CADM2: variants seen among roughly 807,000 people sequenced by gnomAD.
CADM2 encodes cell adhesion molecule 2, also known as immunoglobulin superfamily member 4D.
Under a neutral mutation model 49.8 loss-of-function variants are expected in CADM2, and 12 were observed. That is an observed-to-expected ratio of 0.24 (90% confidence interval 0.15 to 0.39). CADM2 has a LOEUF of 0.39. CADM2 is among the 10% of genes least tolerant of loss of function. The probability of loss-of-function intolerance (pLI) is 1.00; values close to 1 mark genes in which losing one functional copy is unlikely to be tolerated. For synonymous variants in CADM2, 214 were observed against 175.4 expected (o/e 1.22, Z -1.74); for missense variants, 378 against 492.3 (o/e 0.77, Z 2.20).
intron 1 of CADM2, among the ~76,000 whole-genome samples, chr3:85,206,727 A>G (rs1327435696): frequency 6.6e-6 from 1 of 152,062 alleles, no homozygotes; most frequent in Non-Finnish European, 1.5e-5. Context: ...TAAGTTTTCA[A>G]TTTTATTTGA....
At chr3:85,088,791 TTTTA>T (rs1288430516) in intron 1 of CADM2, among the ~76,000 whole-genome samples, 45 of 152,284 alleles carry the variant, frequency 3.0e-4, no homozygotes, top group Admixed American at 7.9e-4. Context: ...TTTACACTAC[TTTTA>T]TTTGTCTATT....
rs2032750130 is a variant in CADM2, at chr3:84,989,119, CTTATATGAAA to C, written c.61+29452_61+29461del. Among the ~76,000 whole-genome samples, 3 of 152,058 alleles carry C rather than the reference CTTATATGAAA, an allele frequency of 2.0e-5. No individual in the cohort carries two copies. The South Asian group carries it at 6.2e-4, about 31-fold the overall frequency. The stretch of plus-strand genomic sequence containing the variant: ...AATTACCTGTTTTGCTGAGAGTTTG[CTTATATGAAA>C]AAGAAGTGGGTGATTGCACCACATC... On this transcript the variant is annotated intron_variant, in intron 1 of 9. Transcript: ENST00000383699.
chr3:85,629,933 A>C (rs1352938215), intron 1 of CADM2, among the ~76,000 whole-genome samples: 1 of 152,050 alleles, frequency 6.6e-6, no homozygotes, highest in Admixed American at 6.6e-5. Flanking sequence ...AGAAATTTAA[A>C]TGAGTTAATT....
intron 4 of CADM2, 24 bp downstream of exon 4, chr3:85,883,467 T>C (rs745384960): frequency 7.6e-6 from 12 of 1,574,998 alleles, no homozygotes; most frequent in Non-Finnish European, 9.5e-6. Context: ...ACTAACACCA[T>C]GTAATCACAA....
At chr3:85,278,831 A>G (rs1224581512) in intron 1 of CADM2, among the ~76,000 whole-genome samples, 1 of 151,248 alleles carries the variant, frequency 6.6e-6, no homozygotes, top group Non-Finnish European at 1.5e-5. Flanking sequence ...AATATAAAAG[A>G]TATACATTTT....
chr3:85,414,513 T>C (rs935857212), intron 1 of CADM2, among the ~76,000 whole-genome samples: 5 of 152,140 alleles, frequency 3.3e-5, no homozygotes, highest in African/African-American at 1.2e-4. Context: ...AGGTTTCCTT[T>C]CCTCTCTCTC....
intron 1 of CADM2, among the ~76,000 whole-genome samples, chr3:85,690,740 T>C (rs1192602158): frequency 6.6e-6 from 1 of 152,208 alleles, no homozygotes; most frequent in Non-Finnish European, 1.5e-5. Context: ...ATATTCTCTT[T>C]TTTAGAAAAG....
At chr3:85,633,738 A>C (rs9824301) in intron 1 of CADM2, among the ~76,000 whole-genome samples, 55,539 of 151,866 alleles carry the variant, frequency 0.37, 10,644 homozygotes, top group East Asian at 0.64. Context: ...AGGAGAATAA[A>C]TTTCCATAAA....
chr3:85,685,173 C>T (rs2107666689), intron 1 of CADM2, among the ~76,000 whole-genome samples: 1 of 152,220 alleles, frequency 6.6e-6, no homozygotes, highest in Non-Finnish European at 1.5e-5. Context: ...CCCAGAACTA[C>T]TGAAACAGAA....
intron 1 of CADM2, among the ~76,000 whole-genome samples, chr3:85,460,416 T>C (rs2038191026): frequency 6.6e-6 from 1 of 152,168 alleles, no homozygotes; most frequent in East Asian, 1.9e-4. Context: ...CACTTATTGA[T>C]CTATAATTAA....
intron 8 of CADM2, among the ~76,000 whole-genome samples, chr3:86,028,733 T>G (rs1219961245): frequency 6.6e-6 from 1 of 152,170 alleles, no homozygotes; most frequent in Non-Finnish European, 1.5e-5. Context: ...CATGGCTGGA[T>G]TACAATCTTC....
chr3:85,650,372 A>C (rs1202097749), intron 1 of CADM2, among the ~76,000 whole-genome samples: 1 of 152,162 alleles, frequency 6.6e-6, no homozygotes, highest in African/African-American at 2.4e-5. Flanking sequence ...AAGTACTGAC[A>C]TGGGGAAGTT....
intron 1 of CADM2, among the ~76,000 whole-genome samples, chr3:85,640,205 C>G (rs1008106343): frequency 1.3e-5 from 2 of 152,154 alleles, no homozygotes; most frequent in African/African-American, 4.8e-5. Context: ...GCTTATTTCT[C>G]TATTTTCTTC....
In CADM2 at chr3:85,592,472, G is replaced by T. The variant is rs1278465397; in HGVS notation, c.62-134050G>T. 1.3e-5 allele frequency among the ~76,000 whole-genome samples: 2 copies of T among 152,054 alleles called. 1 individual carries two copies. Among genetic ancestry groups the T allele is most frequent in the Non-Finnish European group, 2.9e-5 (2 of 67,946 alleles). ...TGCGAATAGAAGGAAAAAAATTACT[G>T]TAACCACAGACTTAGTAACTGAACA... is the stretch of plus-strand genomic sequence containing the variant. On this transcript the variant is annotated intron_variant, in intron 1 of 9. Transcript: ENST00000383699.
At chr3:85,710,574 T>C (rs2067089526) in intron 1 of CADM2, among the ~76,000 whole-genome samples, 1 of 152,140 alleles carries the variant, frequency 6.6e-6, no homozygotes, top group Non-Finnish European at 1.5e-5. Flanking sequence ...AACTTCGAAA[T>C]TGTTTCCACA....
chr3:84,976,480 A>G (rs1052742841), intron 1 of CADM2, among the ~76,000 whole-genome samples: 5 of 151,758 alleles, frequency 3.3e-5, no homozygotes, highest in East Asian at 1.9e-4. Context: ...TTTTTCCTTC[A>G]AAAATATAGA....
At chr3:85,071,015 T>C (rs142213955) in intron 1 of CADM2, among the ~76,000 whole-genome samples, 194 of 150,256 alleles carry the variant, frequency 1.3e-3, no homozygotes, top group African/African-American at 4.2e-3. Context: ...AATAAATAAA[T>C]AAATAAACAA....
At chr3:85,885,040 A>G (rs1300042896) in intron 4 of CADM2, among the ~76,000 whole-genome samples, 1 of 151,886 alleles carries the variant, frequency 6.6e-6, no homozygotes, top group East Asian at 1.9e-4. Context: ...AGATGATAAT[A>G]TTCTTTTTAA....
At chr3:86,012,429 G>A in intron 8 of CADM2, 1 of 417,138 alleles carries the variant, frequency 2.4e-6, no homozygotes, top group Non-Finnish European at 4.2e-6. Flanking sequence ...CTTCTCGCCC[G>A]CCCGCCCCTC....
Sources: allele counts gnomAD v4.1 joint callset (sites outside exome capture counted in the v4.1 genomes callset), GRCh38; gene constraint gnomAD v4.1.1; transcripts MANE v1.5; gene names NCBI Gene and HGNC (gene_info 2026-07-23, HGNC 2026-07-21).